The following IL1RAPL2 variants were observed in gnomAD, a reference collection of about 807,000 sequenced individuals.
The protein encoded by IL1RAPL2 is interleukin 1 receptor accessory protein like 2.
IL1RAPL2 carries 3 observed loss-of-function variants against 44.1 expected under a neutral mutation model. The observed-to-expected ratio is 0.07, with a 90% CI of 0.03 to 0.18. The LOEUF (loss-of-function observed/expected upper bound fraction) is 0.18. Ranked by LOEUF, IL1RAPL2 falls within the 10% of genes least tolerant of loss-of-function variation. IL1RAPL2 has a pLI of 1.00. For synonymous variants in IL1RAPL2, 181 were observed against 178.8 expected (o/e 1.01, Z -0.10); for missense variants, 391 against 496.4 (o/e 0.79, Z 2.02).
chrX:105,214,224 C>T lies in IL1RAPL2; in HGVS notation c.356+18476C>T, dbSNP rs150618479. Reference sequence around the variant, plus strand: ...CATCAGTATGCTGTATTCAGGAGGCCCATCTCATGTGCAAAGACACACATA... The same window carrying T: ...CATCAGTATGCTGTATTCAGGAGGCTCATCTCATGTGCAAAGACACACATA... On this transcript the variant is annotated intron_variant, in intron 3 of 10. Transcript: ENST00000372582. Among the ~76,000 whole-genome samples, 992 of 99,458 alleles carry T rather than the reference C, an allele frequency of 1.0e-2. 25 individuals carry two copies. Among genetic ancestry groups the T allele is most frequent in the African/African-American group, 0.035 (942 of 26,735 alleles). The allele number at this position is 99,458 out of a possible 115,157, so 86.4% of individuals were successfully genotyped here. A position where few individuals can be genotyped will look rare whatever the true frequency, so the allele number is the denominator to read the frequency against.
intron 1 of IL1RAPL2, among the ~76,000 whole-genome samples, chrX:104,634,696 G>C (rs1052175393): frequency 3.6e-5 from 4 of 111,008 alleles, no homozygotes; most frequent in African/African-American, 1.3e-4. Flanking sequence ...CCATTTGCTT[G>C]GTAGATATTC....
chrX:104,566,520 G>A lies in IL1RAPL2; in HGVS notation c.-551G>A, dbSNP rs1928034445. On this transcript the variant is annotated 5_prime_UTR_variant, in exon 1 of 11. In the 5' UTR this introduces an upstream ATG that the reference lacks. Coordinates refer to ENST00000372582, the MANE Select transcript of IL1RAPL2 (RefSeq NM_017416.2). ...GCAGCTGGTGTTTCGCTCCTGGAGTGTGCCTACCTCGCAAGGGGGGCGAGG... is the reference window on the plus strand; with the variant it reads ...GCAGCTGGTGTTTCGCTCCTGGAGTATGCCTACCTCGCAAGGGGGGCGAGG... 8.8e-6 allele frequency: 1 copy of A among 113,074 alleles called. No homozygotes were observed. The highest frequency in any genetic ancestry group is 9.3e-5 in the Admixed American group (1 of 10,806). 9.3% of individuals were successfully genotyped at this position (113,074 alleles called of 1,213,427 possible).
At chrX:104,916,203 A>G (rs1420697178) in intron 2 of IL1RAPL2, among the ~76,000 whole-genome samples, 1 of 112,063 alleles carries the variant, frequency 8.9e-6, no homozygotes, top group African/African-American at 3.2e-5. Context: ...ACCCATGAGC[A>G]TGGAATATTC....
chrX:105,304,646 A>G lies in IL1RAPL2; in HGVS notation c.697+37105A>G, dbSNP rs756656279. Among the ~76,000 whole-genome samples the G allele has an allele frequency of 2.7e-5, 3 of 111,805 alleles. No individual in the cohort carries two copies. The South Asian group carries it at 1.1e-3, about 42-fold the overall frequency. On this transcript the variant is annotated intron_variant, in intron 5 of 10. Coordinates refer to ENST00000372582, the MANE Select transcript of IL1RAPL2 (RefSeq NM_017416.2). ...CAGTGCTACATGACTTTTAGCAGCA[A>G]TGAAGTGGGCCAGAAGGCAGCCTGG... is the stretch of plus-strand genomic sequence containing the variant.
intron 2 of IL1RAPL2, among the ~76,000 whole-genome samples, chrX:104,830,840 T>C (rs774267202): frequency 8.9e-6 from 1 of 112,394 alleles, no homozygotes; most frequent in African/African-American, 3.2e-5. Flanking sequence ...TGGCAATTAA[T>C]AAAAGCTAAT....
intron 2 of IL1RAPL2, among the ~76,000 whole-genome samples, chrX:104,752,319 A>G (rs1932273167): frequency 9.1e-6 from 1 of 109,981 alleles, no homozygotes; most frequent in South Asian, 3.9e-4. Context: ...GAGAGGCTCT[A>G]ATTGATTTTG....
At chrX:105,126,802 T>C (rs2147575315) in intron 2 of IL1RAPL2, among the ~76,000 whole-genome samples, 1 of 111,128 alleles carries the variant, frequency 9.0e-6, no homozygotes, top group African/African-American at 3.2e-5. Flanking sequence ...TGTATTATTT[T>C]CTGTGAATAC....
At chrX:105,272,149 G>A (rs1349833056) in intron 5 of IL1RAPL2, among the ~76,000 whole-genome samples, 1 of 100,896 alleles carries the variant, frequency 9.9e-6, no homozygotes, top group Non-Finnish European at 2.0e-5. Flanking sequence ...GGGGGAGGGG[G>A]GACTGATAGC....
At chrX:105,679,484 T>A (rs1162484333) in intron 6 of IL1RAPL2, among the ~76,000 whole-genome samples, 1 of 112,212 alleles carries the variant, frequency 8.9e-6, no homozygotes, top group East Asian at 2.8e-4. Flanking sequence ...TCAAAAGAGC[T>A]AAAATTTTTA....
intron 2 of IL1RAPL2, among the ~76,000 whole-genome samples, chrX:105,108,281 T>C (rs1469595955): frequency 9.0e-6 from 1 of 111,687 alleles, no homozygotes; most frequent in Non-Finnish European, 1.9e-5. Context: ...ACTATACTCC[T>C]CTTCATTCCT....
At chrX:105,419,886 A>G (rs1439294643) in intron 5 of IL1RAPL2, among the ~76,000 whole-genome samples, 1 of 111,938 alleles carries the variant, frequency 8.9e-6, no homozygotes, top group Non-Finnish European at 1.9e-5. Flanking sequence ...TGTAAATTGA[A>G]TAATACAAAA....
intron 5 of IL1RAPL2, among the ~76,000 whole-genome samples, chrX:105,287,456 A>G (rs1292096513): frequency 8.9e-6 from 1 of 111,762 alleles, no homozygotes; most frequent in African/African-American, 3.2e-5. Flanking sequence ...GCCACATTCA[A>G]GATTTTCTCT....
chrX:105,736,702 T>C (rs2038452855), intron 7 of IL1RAPL2, among the ~76,000 whole-genome samples: 1 of 111,576 alleles, frequency 9.0e-6, no homozygotes, highest in African/African-American at 3.3e-5. Flanking sequence ...ATGGCCATTA[T>C]TAAAAAGTCA....
intron 1 of IL1RAPL2, among the ~76,000 whole-genome samples, chrX:104,585,778 C>CT (rs1194183427): frequency 1.8e-5 from 2 of 110,412 alleles, no homozygotes; most frequent in African/African-American, 3.3e-5. Context: ...CGATTTCATT[C>CT]TTTTTTTATG....
intron 2 of IL1RAPL2, among the ~76,000 whole-genome samples, chrX:104,770,921 G>T (rs768912677): frequency 9.0e-6 from 1 of 111,006 alleles, no homozygotes; most frequent in Non-Finnish European, 1.9e-5. Context: ...GGCCCCAGTG[G>T]AGATTCACTT....
intron 2 of IL1RAPL2, among the ~76,000 whole-genome samples, chrX:104,811,180 G>GT: frequency 9.0e-6 from 1 of 110,615 alleles, no homozygotes; most frequent in Non-Finnish European, 1.9e-5. Context: ...GCCTAGAAAA[G>GT]TAACAGAAAA....
chrX:105,554,732 A>C (rs2036884743), intron 6 of IL1RAPL2, among the ~76,000 whole-genome samples: 1 of 111,328 alleles, frequency 9.0e-6, no homozygotes, highest in African/African-American at 3.3e-5. Flanking sequence ...GTGAATTTTT[A>C]ATCTTTTAAG....
intron 2 of IL1RAPL2, among the ~76,000 whole-genome samples, chrX:104,967,912 A>G (rs1349687243): frequency 1.8e-5 from 2 of 111,261 alleles, no homozygotes; most frequent in Non-Finnish European, 3.8e-5. Flanking sequence ...AGGAAAAAAA[A>G]GAACAAAAAA....
rs1491220948 is a variant in IL1RAPL2, at chrX:105,447,107, A to ATAT, written c.698-37206_698-37205insTAT. On this transcript the variant is annotated intron_variant, in intron 5 of 10. Coordinates refer to ENST00000372582, the MANE Select transcript of IL1RAPL2 (RefSeq NM_017416.2). ...TATATATATATATATATATATATAT[A>ATAT]AAAATATATATAAATATAAATATAT... Among the ~76,000 whole-genome samples the ATAT allele has an allele frequency of 8.5e-3, 278 of 32,690 alleles. 2 individuals carry two copies. The highest frequency in any genetic ancestry group is 9.7e-3 in the Non-Finnish European group (213 of 22,033). 28.4% of individuals were successfully genotyped at this position (32,690 alleles called of 115,157 possible).
Sources: gnomAD v4.1 joint callset for allele counts (sites outside exome capture counted in the v4.1 genomes callset) on GRCh38, gnomAD v4.1.1 for gene constraint, MANE v1.5 for transcripts, NCBI Gene and HGNC (gene_info 2026-07-23, HGNC 2026-07-21) for gene names.